The following IL1RN variants were observed in gnomAD, a reference collection of about 807,000 sequenced individuals.
IL1RN encodes interleukin-1 receptor antagonist protein.
In IL1RN, 10 loss-of-function variants were observed where a neutral mutation model predicts 13.7. The observed-to-expected ratio is 0.73, with a 90% CI of 0.45 to 1.24. IL1RN has a LOEUF of 1.24. IL1RN is among the 50% of genes most tolerant of loss of function. The pLI, the probability that IL1RN is intolerant of heterozygous loss-of-function variation, is 0.00. For synonymous variants in IL1RN, 102 were observed against 82.7 expected (o/e 1.23, Z -1.27); for missense variants, 213 against 222.1 (o/e 0.96, Z 0.26).
chr2:113,114,228 G>A (rs1404973097), upstream of IL1RN, among the ~76,000 whole-genome samples: 1 of 152,174 alleles, frequency 6.6e-6, no homozygotes, highest in African/African-American at 2.4e-5. Context: ...CTGTTTGCTT[G>A]TTCTTCTCTC....
intron 2 of IL1RN, among the ~76,000 whole-genome samples, chr2:113,120,853 C>A (rs1261195418): frequency 6.6e-6 from 1 of 152,132 alleles, no homozygotes; most frequent in East Asian, 1.9e-4. Context: ...AAGTCAGTGG[C>A]CTCTTTAGGA....
At chr2:113,106,917 T>C (rs1026664164), upstream of IL1RN, among the ~76,000 whole-genome samples, 1 of 152,134 alleles carries the variant, frequency 6.6e-6, no homozygotes, top group South Asian at 2.1e-4. Flanking sequence ...CTTTTAGAAA[T>C]AATACATACA....
upstream of IL1RN, among the ~76,000 whole-genome samples, chr2:113,102,874 A>T (rs1197659652): frequency 6.6e-6 from 1 of 152,146 alleles, no homozygotes; most frequent in Non-Finnish European, 1.5e-5. Flanking sequence ...TTCTTTTGTG[A>T]TTCTTCACTT....
intron 3 of IL1RN, 42 bp from the exon 4 acceptor site, chr2:113,132,614 T>G: frequency 6.4e-7 from 1 of 1,570,446 alleles, no homozygotes; most frequent in African/African-American, 1.3e-5. Context: ...GCACAGGACT[T>G]CCTAGGCCTC....
At chr2:113,114,045 T>G (rs1686547162), upstream of IL1RN, among the ~76,000 whole-genome samples, 1 of 152,216 alleles carries the variant, frequency 6.6e-6, no homozygotes, top group Admixed American at 6.5e-5. Flanking sequence ...GAGTCAGACA[T>G]GCTTAAGCTG....
At chr2:113,100,307 CA>C in the IL1RN span, among the ~76,000 whole-genome samples, 1 of 142,650 alleles carries the variant, frequency 7.0e-6, no homozygotes, top group Non-Finnish European at 1.5e-5. Context: ...GCCCGGGCGA[CA>C]GAGCGAGACT....
At chr2:113,106,164 C>G (rs576622761), upstream of IL1RN, among the ~76,000 whole-genome samples, 3 of 152,152 alleles carry the variant, frequency 2.0e-5, no homozygotes, top group Non-Finnish European at 4.4e-5. Flanking sequence ...CACTTCTTCA[C>G]TGGAATTTAG....
intron 1 of IL1RN, among the ~76,000 whole-genome samples, chr2:113,112,705 C>T (rs1205184520): frequency 6.6e-6 from 1 of 152,230 alleles, no homozygotes; most frequent in East Asian, 1.9e-4. Context: ...TGTTCCTCTT[C>T]CGTGCTCCCA....
chr2:113,109,410 C>CT (rs1686452801), upstream of IL1RN, among the ~76,000 whole-genome samples: 2 of 19,870 alleles, frequency 1.0e-4, no homozygotes, highest in Non-Finnish European at 2.6e-4. Flanking sequence ...GAAACGCCAT[C>CT]TAAAAAAAAA....
chr2:113,111,900 C>A (rs1304806447), intron 1 of IL1RN, among the ~76,000 whole-genome samples: 2 of 152,266 alleles, frequency 1.3e-5, no homozygotes, highest in Admixed American at 1.3e-4. Flanking sequence ...CAGAACGAGA[C>A]AAACAGGTCC....
At chr2:113,113,997 G>A (rs1220535686), upstream of IL1RN, among the ~76,000 whole-genome samples, 1 of 152,120 alleles carries the variant, frequency 6.6e-6, no homozygotes, top group Admixed American at 6.5e-5. Flanking sequence ...TTGCTTGTTG[G>A]CTCTTGTGGA....
At chr2:113,111,830 T>C (rs315929) in intron 1 of IL1RN, among the ~76,000 whole-genome samples, 136,194 of 152,354 alleles carry the variant, frequency 0.89, 61,384 homozygotes, top group Non-Finnish European at 0.93. Flanking sequence ...ATCAGTCAGG[T>C]CCCTTACTTG....
upstream of IL1RN, among the ~76,000 whole-genome samples, chr2:113,116,352 G>C (rs1239898726): frequency 6.6e-6 from 1 of 152,224 alleles, no homozygotes; most frequent in African/African-American, 2.4e-5. Flanking sequence ...TTAGTCAGCA[G>C]GAATTTCTCT....
upstream of IL1RN, among the ~76,000 whole-genome samples, chr2:113,122,743 A>AC (rs1169366204): frequency 6.6e-6 from 1 of 152,106 alleles, no homozygotes; most frequent in Non-Finnish European, 1.5e-5. Flanking sequence ...TCTCCTCTGG[A>AC]CCTCACCCAA....
At chr2:113,109,749 A>T (rs1372489280), upstream of IL1RN, among the ~76,000 whole-genome samples, 1 of 146,952 alleles carries the variant, frequency 6.8e-6, no homozygotes, top group Non-Finnish European at 1.5e-5. Context: ...GACACTTCTA[A>T]ACTATTATGA....
At chr2:113,121,624 T>G (rs942406783) in intron 2 of IL1RN, 4 of 984,818 alleles carry the variant, frequency 4.1e-6, no homozygotes, top group Non-Finnish European at 4.8e-6. Context: ...TCACAGTAAG[T>G]TAACCATGTA....
chr2:113,109,301 A>G (rs1001530945), upstream of IL1RN, among the ~76,000 whole-genome samples: 2 of 151,446 alleles, frequency 1.3e-5, no homozygotes, highest in African/African-American at 4.9e-5. Flanking sequence ...AATCCCAGCT[A>G]CTCTGGAGGC....
At chr2:113,103,914 T>C (rs945312424), upstream of IL1RN, among the ~76,000 whole-genome samples, 1 of 152,048 alleles carries the variant, frequency 6.6e-6, no homozygotes, top group Admixed American at 6.5e-5. Flanking sequence ...AAGTAGGTAA[T>C]ATTCAATATG....
upstream of IL1RN, among the ~76,000 whole-genome samples, chr2:113,126,040 C>T (rs1465641393): frequency 5.3e-5 from 8 of 152,172 alleles, no homozygotes; most frequent in African/African-American, 1.2e-4. Context: ...TCAGGTGATC[C>T]GCCCACCTCA....
Sources: allele counts gnomAD v4.1 joint callset (sites outside exome capture counted in the v4.1 genomes callset), GRCh38; gene constraint gnomAD v4.1.1; transcripts MANE v1.5; gene names NCBI Gene and HGNC (gene_info 2026-07-23, HGNC 2026-07-21).